CCN3: variants seen among roughly 807,000 people sequenced by gnomAD.
CCN3 encodes CCN family member 3.
Under a neutral mutation model 33.4 loss-of-function variants are expected in CCN3, and 20 were observed. The ratio of observed to expected loss-of-function variants is 0.60; its 90% confidence interval spans 0.42 to 0.87. The LOEUF (loss-of-function observed/expected upper bound fraction) is 0.87. CCN3 is among the 40% of genes least tolerant of loss of function. The pLI, the probability that CCN3 is intolerant of heterozygous loss-of-function variation, is 0.00. For missense variants in CCN3, 465 were observed against 455.3 expected (o/e 1.02, Z -0.19); for synonymous variants, 205 against 170.4 (o/e 1.20, Z -1.58).
chr8:119,417,930 C>T (rs766161003), intron 2 of CCN3, 128 bp from the exon 3 acceptor site: 32 of 890,338 alleles, frequency 3.6e-5, no homozygotes, highest in African/African-American at 5.0e-5. Context: ...GAAACCAGAT[C>T]GCCTGAACTA....
At position 119,423,090 on chromosome 8, in the gene CCN3, C is replaced by T. The variant is rs898382754; in HGVS notation, c.1032C>T (p.Phe344=). 1.9e-6 allele frequency: 3 copies of T among 1,614,046 alleles called. No individual in the cohort carries two copies. In the African/African-American group the frequency reaches 4.0e-5, roughly 22 times the overall value. ...HTNCPKNNEA[F]LQELELKTTR... ...ACTGTCCTAAGAACAATGAGGCCTT[C>T]CTCCAGGAGCTGGAGCTGAAGACTA... is the stretch of plus-strand genomic sequence containing the variant. The change falls in exon 5 of 5, where the codon TTC becomes TTT. Residue 344 remains phenylalanine, a synonymous_variant. Transcript: ENST00000259526.
Position 119,419,192 on chromosome 8 carries a change from A to G in CCN3, c.624A>G (p.Glu208=). ...EVSDSSVNCI[E]QTTEWTACSK... ...CTGACTCAAGTGTCAACTGCATTGA[A>G]CAGACCACAGAGTGGACAGCATGCT... Residue 208 remains glutamate (E), a synonymous_variant, in exon 4 of 5, where the codon GAA becomes GAG. Coordinates refer to ENST00000259526, the MANE Select transcript of CCN3 (RefSeq NM_002514.4). The G allele has an allele frequency of 6.2e-7, 1 of 1,614,238 alleles. No homozygotes were observed. The highest frequency in any genetic ancestry group is 8.5e-7 in the Non-Finnish European group (1 of 1,180,038).
At chr8:119,422,528 G>T (rs1326667518) in intron 4 of CCN3, among the ~76,000 whole-genome samples, 3 of 152,162 alleles carry the variant, frequency 2.0e-5, no homozygotes, top group African/African-American at 7.2e-5. Flanking sequence ...TAGGCAAGGT[G>T]TTTACATTCC....
At position 119,416,848 on chromosome 8, in the gene CCN3, C is replaced by G; in HGVS notation, c.189C>G (p.Cys63Trp). Residue 63 changes from cysteine (C) to tryptophan (W), a missense_variant, in exon 2 of 5, where the codon TGC becomes TGG. Physicochemically the swap from Cys to Trp is radical, Grantham distance 215. Transcript: ENST00000259526. ...GCGCGGTGCTGGACGGCTGCTCATG[C>G]TGTCTGGTGTGTGCCCGCCAGCGTG... The part of the protein sequence containing the change: ...GVRAVLDGCS[C>W]CLVCARQRGE... 1 of 1,612,994 alleles carries G rather than the reference C, an allele frequency of 6.2e-7. No homozygotes were observed. Among genetic ancestry groups the G allele is most frequent in the African/African-American group, 1.3e-5 (1 of 75,038 alleles).
chr8:119,417,444 C>A (rs1820066614), intron 2 of CCN3, among the ~76,000 whole-genome samples: 1 of 152,196 alleles, frequency 6.6e-6, no homozygotes, highest in Admixed American at 6.5e-5. Context: ...AACTATGTAA[C>A]CCTTTTCTGG....
chr8:119,418,445 A>G (rs556705623), intron 3 of CCN3, 136 bp downstream of exon 3: 378 of 1,081,020 alleles, frequency 3.5e-4, no homozygotes, highest in Non-Finnish European at 4.8e-4. Flanking sequence ...CAGGTTGCCC[A>G]CTGAGATCAA....
chr8:119,417,299 T>C (rs542176359), intron 2 of CCN3, among the ~76,000 whole-genome samples: 3 of 152,276 alleles, frequency 2.0e-5, no homozygotes, highest in South Asian at 2.1e-4. Context: ...AGGGGGCCAC[T>C]TGGGGCTGAT....
In CCN3 at chr8:119,418,424, G is replaced by A. The variant is rs536088975; in HGVS notation, c.562+115G>A. ...ACTGGCCTCAGTTTCTGGTCATTCA[G>A]TTGTGGGTTTCAGGTTGCCCACTGA... On this transcript the variant is annotated intron_variant, in intron 3 of 4. Coordinates refer to ENST00000259526, the MANE Select transcript of CCN3 (RefSeq NM_002514.4). 3.6e-6 allele frequency: 5 copies of A among 1,380,596 alleles called. No individual in the cohort carries two copies. The East Asian group carries it at 9.3e-5, about 26-fold the overall frequency. 85.5% of individuals were successfully genotyped at this position (1,380,596 alleles called of 1,614,324 possible). A position where few individuals can be genotyped will look rare whatever the true frequency, so the allele number is the denominator to read the frequency against.
At chr8:119,417,015 G>GC in intron 2 of CCN3, 46 bp downstream of exon 2, 1 of 1,472,572 alleles carries the variant, frequency 6.8e-7, no homozygotes, top group Non-Finnish European at 9.3e-7. Context: ...CTGCAGCTAA[G>GC]TGAAGCTGCT....
chr8:119,423,298 A>C lies in CCN3; in HGVS notation c.*166A>C. 1 of 601,968 alleles carries C rather than the reference A, an allele frequency of 1.7e-6. No homozygotes were observed. The highest frequency in any genetic ancestry group is 2.8e-6 in the Non-Finnish European group (1 of 363,198). 37.3% of individuals were successfully genotyped at this position (601,968 alleles called of 1,614,324 possible). On this transcript the variant is annotated 3_prime_UTR_variant, in exon 5 of 5. Transcript: ENST00000259526. ...CTTTATATCTGTCTTTTATTTAACA[A>C]AAAATGTAATTAACTGTAAACTTGG...
chr8:119,417,946 G>A (rs1307105903), intron 2 of CCN3, 112 bp from the exon 3 acceptor site: 9 of 1,101,874 alleles, frequency 8.2e-6, no homozygotes, highest in Non-Finnish European at 1.2e-5. Context: ...AACTAGAAAA[G>A]GACTTGGGTT....
At chr8:119,418,847 A>G (rs1158011685) in intron 3 of CCN3, among the ~76,000 whole-genome samples, 1 of 152,228 alleles carries the variant, frequency 6.6e-6, no homozygotes, top group African/African-American at 2.4e-5. Context: ...GTTTAAATAA[A>G]AAATCTCAAG....
chr8:119,416,974 T>C lies in CCN3; in HGVS notation c.310+5T>C, dbSNP rs756814438. ...ACCAGACTGGCATCTGCACGGGTAATCCTGCTCCCTCTGCTGTTTGACCTC... is the reference window on the plus strand; with the variant it reads ...ACCAGACTGGCATCTGCACGGGTAACCCTGCTCCCTCTGCTGTTTGACCTC... On this transcript the variant is annotated splice_donor_5th_base_variant and intron_variant, in intron 2 of 4. Coordinates refer to ENST00000259526, the MANE Select transcript of CCN3 (RefSeq NM_002514.4). 1.0e-5 allele frequency: 16 copies of C among 1,602,622 alleles called. No individual in the cohort carries two copies. Among genetic ancestry groups the C allele is most frequent in the Non-Finnish European group, 1.4e-5 (16 of 1,172,406 alleles).
At chr8:119,418,403 G>T (rs975766827) in intron 3 of CCN3, 94 bp downstream of exon 3, 23 of 1,479,554 alleles carry the variant, frequency 1.6e-5, no homozygotes, top group African/African-American at 2.8e-5. Context: ...AGAGAAACTG[G>T]CCTCAGTTTC....
chr8:119,423,081 T>G lies in CCN3; in HGVS notation c.1023T>G (p.Asn341Lys), dbSNP rs866703513. 6.2e-7 allele frequency: 1 copy of G among 1,614,144 alleles called. No individual in the cohort carries two copies. Among genetic ancestry groups the G allele is most frequent in the Non-Finnish European group, 8.5e-7 (1 of 1,180,010 alleles). ...GTCACACCAACTGTCCTAAGAACAA[T>G]GAGGCCTTCCTCCAGGAGCTGGAGC... ...CTCHTNCPKN[N>K]EAFLQELELK... is the part of the protein sequence containing the mutation. Residue 341 changes from asparagine (N) to lysine (K), a missense_variant, in exon 5 of 5, where the codon AAT (asparagine) becomes AAG (lysine). Asn to Lys is a moderately conservative substitution (Grantham distance 94). Transcript: ENST00000259526.
At chr8:119,416,639 GC>G (rs752409206) in intron 1 of CCN3, 23 bp downstream of exon 1, 5 of 1,610,210 alleles carry the variant, frequency 3.1e-6, no homozygotes, top group African/African-American at 2.7e-5. Context: ...CCCTTAAGAT[GC>G]CCCCAAGTTA....
Position 119,423,044 on chromosome 8 carries a change from G to A in CCN3, c.986G>A (p.Gly329Glu). Residue 329 changes from glycine (G) to glutamate (E), a missense_variant, in exon 5 of 5, where the codon GGG (glycine) becomes GAG (glutamate). Physicochemically the swap from Gly to Glu is moderately conservative, Grantham distance 98. Coordinates refer to ENST00000259526, the MANE Select transcript of CCN3 (RefSeq NM_002514.4). The part of the protein sequence containing the change: ...QIVKKPVMVI[G>E]TCTCHTNCPK... ...GTCAAGAAGCCAGTGATGGTCATTG[G>A]GACCTGCACCTGTCACACCAACTGT... 6.2e-7 allele frequency: 1 copy of A among 1,614,106 alleles called. No individual in the cohort carries two copies. Among genetic ancestry groups the A allele is most frequent in the Non-Finnish European group, 8.5e-7 (1 of 1,180,024 alleles).
At position 119,418,041 on chromosome 8, in the gene CCN3, C is replaced by G. The variant is rs377481701; in HGVS notation, c.311-17C>G. On this transcript the variant is annotated splice_polypyrimidine_tract_variant and intron_variant, in intron 2 of 4. Transcript: ENST00000259526. ...CTCTTCCTCTTTGCTTTTCACTTTG[C>G]TTCCCCAATATTCTAGCGGTAGAGG... 151 of 1,601,104 alleles carry G rather than the reference C, an allele frequency of 9.4e-5. No individual in the cohort carries two copies. The highest frequency in any genetic ancestry group is 1.2e-4 in the Non-Finnish European group (145 of 1,170,388).
In CCN3 at chr8:119,418,147, A is replaced by G. The variant is rs1267135109; in HGVS notation, c.400A>G (p.Arg134Gly). 1 of 1,614,234 alleles carries G rather than the reference A, an allele frequency of 6.2e-7. No individual in the cohort carries two copies. The highest frequency in any genetic ancestry group is 1.7e-5 in the Admixed American group (1 of 60,028). ...AAGCTGCAAATTCCAGTGCACCTGC[A>G]GAGATGGGCAGATTGGCTGTGTGCC... ...QPSCKFQCTC[R>G]DGQIGCVPRC... The change falls in exon 3 of 5, where the codon AGA (arginine) becomes GGA (glycine). Residue 134 changes from arginine to glycine, a missense_variant. Physicochemically the swap from Arg to Gly is moderately radical, Grantham distance 125 (BLOSUM62 -2). Coordinates refer to ENST00000259526, the MANE Select transcript of CCN3 (RefSeq NM_002514.4).
Sources: gnomAD v4.1 joint callset for allele counts (sites outside exome capture counted in the v4.1 genomes callset) on GRCh38, gnomAD v4.1.1 for gene constraint, MANE v1.5 for transcripts, NCBI Gene and HGNC (gene_info 2026-07-23, HGNC 2026-07-21) for gene names.